The following NLRP11 variants were observed in gnomAD, a reference collection of about 807,000 sequenced individuals.
NLRP11 encodes NACHT, LRR and PYD domains-containing protein 11.
Under a neutral mutation model 79.3 loss-of-function variants are expected in NLRP11, and 53 were observed. That is an observed-to-expected ratio of 0.67 (90% CI 0.54 to 0.84). The LOEUF (loss-of-function observed/expected upper bound fraction) is 0.84, where lower values mean the gene tolerates loss of function less well. Ranked by LOEUF, NLRP11 falls within the 40% of genes least tolerant of loss-of-function variation. The pLI, the probability that NLRP11 is intolerant of heterozygous loss-of-function variation, is 0.00. For missense variants in NLRP11, 1,264 were observed against 1,255.0 expected (o/e 1.01, Z -0.11); for synonymous variants, 518 against 462.6 (o/e 1.12, Z -1.54).
intron 3 of NLRP11, among the ~76,000 whole-genome samples, chr19:55,808,444 G>C (rs1980224555): frequency 6.6e-6 from 1 of 152,098 alleles, no homozygotes; most frequent in South Asian, 2.1e-4. Context: ...TGATGTATAA[G>C]ATTTTTGTTG....
At chr19:55,789,249 G>C in exon 8 of NLRP11, 1 of 1,612,950 alleles carries the variant, frequency 6.2e-7, no homozygotes, top group Non-Finnish European at 8.5e-7. Context: ...CCAACATGCA[G>C]TTGGGATGTC....
chr19:55,792,301 T>C, exon 7 of NLRP11: 1 of 1,613,626 alleles, frequency 6.2e-7, no homozygotes. Context: ...GGAGACTTAC[T>C]GAAGCTCCTC....
intron 4 of NLRP11, among the ~76,000 whole-genome samples, chr19:55,806,704 T>C (rs1381900553): frequency 3.3e-5 from 5 of 152,164 alleles, no homozygotes; most frequent in Admixed American, 2.6e-4. Context: ...CCCCTCAAAA[T>C]GCCTCACCTC....
intron 9 of NLRP11, among the ~76,000 whole-genome samples, chr19:55,786,147 A>G (rs1311519511): frequency 6.6e-6 from 1 of 152,246 alleles, no homozygotes; most frequent in Non-Finnish European, 1.5e-5. Context: ...CTTTACATGC[A>G]TCTCACATTA....
At chr19:55,823,717 CAAAT>C (rs1387764937) in intron 1 of NLRP11, among the ~76,000 whole-genome samples, 2 of 150,602 alleles carry the variant, frequency 1.3e-5, no homozygotes, top group African/African-American at 2.5e-5. Context: ...TAGAGAAAAA[CAAAT>C]AAAAAGAAAT....
chr19:55,810,026 GTCATCTGGTTTATT>G lies in NLRP11; in HGVS notation c.570_583del (p.Glu190AspfsTer7). ...GATTAGCTCAGCCAAGCTGCTGTTG[GTCATCTGGTTTATT>G]TCGTGAGCAGTGAGGTGAACGACGT... On this transcript the variant is annotated frameshift_variant, in exon 3 of 10. Coordinates refer to ENST00000589093, the Ensembl canonical transcript of NLRP11. LOFTEE classifies it high-confidence loss of function. The G allele has an allele frequency of 6.2e-7, 1 of 1,614,158 alleles. No homozygotes were observed. The highest frequency in any genetic ancestry group is 8.5e-7 in the Non-Finnish European group (1 of 1,180,022).
At chr19:55,797,665 T>C (rs1979060497) in intron 5 of NLRP11, among the ~76,000 whole-genome samples, 1 of 152,230 alleles carries the variant, frequency 6.6e-6, no homozygotes, top group Admixed American at 6.5e-5. Context: ...AGACTCTCAC[T>C]GAGCCATCGT....
At chr19:55,811,610 G>A (rs559987617) in intron 2 of NLRP11, among the ~76,000 whole-genome samples, 81 of 152,244 alleles carry the variant, frequency 5.3e-4, no homozygotes, top group African/African-American at 1.9e-3. Flanking sequence ...TTCCGACCTA[G>A]CACATCTCAA....
intron 2 of NLRP11, among the ~76,000 whole-genome samples, chr19:55,817,035 C>T (rs1981183927): frequency 6.6e-6 from 1 of 151,942 alleles, no homozygotes; most frequent in African/African-American, 2.4e-5. Context: ...AGAAGATACA[C>T]AAATGGCCAG....
intron 7 of NLRP11, among the ~76,000 whole-genome samples, chr19:55,791,556 G>A (rs866302963): frequency 2.4e-4 from 37 of 152,318 alleles, no homozygotes; most frequent in African/African-American, 8.4e-4. Flanking sequence ...TTTATGAACA[G>A]GAGATGCTTT....
At chr19:55,831,203 G>A (rs1225832591) in intron 1 of NLRP11, among the ~76,000 whole-genome samples, 1 of 147,170 alleles carries the variant, frequency 6.8e-6, no homozygotes, top group African/African-American at 2.5e-5. Flanking sequence ...CAGGAAGGGA[G>A]GTCAAACCTC....
intron 6 of NLRP11, among the ~76,000 whole-genome samples, chr19:55,793,846 A>C (rs1212019110): frequency 1.3e-5 from 2 of 152,174 alleles, no homozygotes; most frequent in Non-Finnish European, 2.9e-5. Context: ...TTATATGTAC[A>C]AGTAAAAGTT....
At chr19:55,819,166 CACACACACACACACACACACACAG>C (rs1278770358) in intron 1 of NLRP11, among the ~76,000 whole-genome samples, 37 of 129,812 alleles carry the variant, frequency 2.9e-4, no homozygotes, top group African/African-American at 1.3e-3. Context: ...CACACACACA[CACACACACACACACACACACACAG>C]GTTGCCTCTT....
chr19:55,794,801 C>T (rs1252719677), intron 6 of NLRP11, among the ~76,000 whole-genome samples: 1 of 151,896 alleles, frequency 6.6e-6, no homozygotes. Context: ...TGCGATATTA[C>T]ATAATATGAA....
intron 7 of NLRP11, among the ~76,000 whole-genome samples, chr19:55,790,326 C>G (rs571448400): frequency 1.4e-3 from 210 of 152,324 alleles, no homozygotes; most frequent in Non-Finnish European, 2.3e-3. Flanking sequence ...CACAACTACT[C>G]AGTTTTGCCA....
chr19:55,800,118 C>A (rs66511628), intron 5 of NLRP11, among the ~76,000 whole-genome samples: 1 of 151,840 alleles, frequency 6.6e-6, no homozygotes, highest in East Asian at 1.9e-4. Flanking sequence ...CAGGAGGTGC[C>A]GTTAGAGCAT....
intron 2 of NLRP11, among the ~76,000 whole-genome samples, chr19:55,814,493 C>T (rs936496046): frequency 2.0e-5 from 3 of 151,954 alleles, no homozygotes; most frequent in Non-Finnish European, 4.4e-5. Flanking sequence ...TACACTATAC[C>T]AGGACAAGCT....
At chr19:55,805,183 G>A (rs920384592) in intron 4 of NLRP11, among the ~76,000 whole-genome samples, 2 of 152,284 alleles carry the variant, frequency 1.3e-5, no homozygotes, top group Non-Finnish European at 2.9e-5. Flanking sequence ...CTCCCTTGGA[G>A]TTGCAGCAGG....
At chr19:55,831,383 G>A (rs965577204) in intron 1 of NLRP11, among the ~76,000 whole-genome samples, 16 of 151,508 alleles carry the variant, frequency 1.1e-4, no homozygotes, top group African/African-American at 3.9e-4. Flanking sequence ...ACAACATGGC[G>A]AAACCCCATC....
Sources: allele counts gnomAD v4.1 joint callset (sites outside exome capture counted in the v4.1 genomes callset), GRCh38; gene constraint gnomAD v4.1.1; transcripts MANE v1.5; gene names NCBI Gene and HGNC (gene_info 2026-07-23, HGNC 2026-07-21).